NCOR1: variants seen among roughly 807,000 people sequenced by gnomAD.
NCOR1 encodes protein phosphatase 1, regulatory subunit 109.
NCOR1 carries 63 observed loss-of-function variants against 288.1 expected under a neutral mutation model. That is an observed-to-expected ratio of 0.22 (90% confidence interval 0.18 to 0.27). The LOEUF (loss-of-function observed/expected upper bound fraction) is 0.27, where lower values mean the gene tolerates loss of function less well. Ranked by LOEUF, NCOR1 falls within the 10% of genes least tolerant of loss-of-function variation. The pLI, the probability that NCOR1 is intolerant of heterozygous loss-of-function variation, is 1.00. For missense variants in NCOR1, 2,397 were observed against 3,019.2 expected, an observed-to-expected ratio of 0.79 and a Z score of 4.83; for synonymous variants, 1,007 against 1,065.9, an observed-to-expected ratio of 0.94 and a Z score of 1.08.
Position 16,051,758 on chromosome 17 carries a change from AC to A in NCOR1, c.6393-2771del, listed in dbSNP as rs2059339376. The stretch of plus-strand genomic sequence containing the variant: ...GAAACCCCGTCTCTACTAAAAAAAT[AC>A]AAAATTAGCTGGGGTGGTGGCACAT... On this transcript the variant is annotated intron_variant, in intron 40 of 45. Coordinates refer to ENST00000268712, the MANE Select transcript of NCOR1 (RefSeq NM_006311.4). 9.9e-5 allele frequency among the ~76,000 whole-genome samples: 15 copies of A among 152,176 alleles called. No homozygotes were observed. In the South Asian group the frequency reaches 3.1e-3, roughly 32 times the overall value.
intron 5 of NCOR1, among the ~76,000 whole-genome samples, chr17:16,159,413 CAAAA>C (rs35243097): frequency 1.5e-5 from 1 of 66,290 alleles, no homozygotes; most frequent in Admixed American, 1.8e-4. Context: ...AACTCTATCT[CAAAA>C]AAAAAAAAAA....
At chr17:16,197,179 C>T (rs969499283) in intron 1 of NCOR1, among the ~76,000 whole-genome samples, 5 of 151,118 alleles carry the variant, frequency 3.3e-5, no homozygotes, top group Admixed American at 6.6e-5. Context: ...AAATTAGCCA[C>T]GCATGGTGGC....
intron 15 of NCOR1, among the ~76,000 whole-genome samples, chr17:16,123,509 A>G (rs2073424578): frequency 6.6e-6 from 1 of 152,120 alleles, no homozygotes; most frequent in Non-Finnish European, 1.5e-5. Context: ...ATCCATTCTA[A>G]TCCCTTTCTA....
intron 21 of NCOR1, among the ~76,000 whole-genome samples, chr17:16,097,809 A>T (rs553738866): frequency 2.0e-5 from 3 of 152,316 alleles, no homozygotes; most frequent in African/African-American, 7.2e-5. Flanking sequence ...AAGCGTGAGT[A>T]ACCTGGGGAC....
intron 45 of NCOR1, among the ~76,000 whole-genome samples, chr17:16,032,958 A>G (rs1243354656): frequency 6.6e-6 from 1 of 152,216 alleles, no homozygotes; most frequent in Admixed American, 6.5e-5. Flanking sequence ...TAAAGTCTAC[A>G]AGATTGAGAA....
chr17:16,058,520 C>T lies in NCOR1; in HGVS notation c.5961G>A (p.Glu1987=). ...CCTCTGGCTGATAGGTCTGCAGTTT[C>T]TCCTGGGGTGGCGCAGGTGAGCTGG... ...SPASSPAPPQ[E]KLQTYQPEVV... The change falls in exon 38 of 46, where the codon GAG becomes GAA. Residue 1987 remains glutamate (E), a synonymous_variant. Coordinates refer to ENST00000268712, the MANE Select transcript of NCOR1 (RefSeq NM_006311.4). 6.2e-7 allele frequency: 1 copy of T among 1,614,166 alleles called. No individual in the cohort carries two copies. Among genetic ancestry groups the T allele is most frequent in the Non-Finnish European group, 8.5e-7 (1 of 1,180,014 alleles).
chr17:16,061,004 C>T (rs1001553118), intron 37 of NCOR1, among the ~76,000 whole-genome samples: 1 of 152,144 alleles, frequency 6.6e-6, no homozygotes, highest in African/African-American at 2.4e-5. Context: ...AAACCTGTGT[C>T]TTAGAAAAAG....
intron 26 of NCOR1, among the ~76,000 whole-genome samples, chr17:16,077,132 T>C (rs1485652957): frequency 6.6e-6 from 1 of 152,056 alleles, no homozygotes; most frequent in Non-Finnish European, 1.5e-5. Flanking sequence ...TGTGGTGGCT[T>C]GCGCCTGTAA....
chr17:16,121,174 C>T lies in NCOR1; in HGVS notation c.1730G>A (p.Ser577Asn), dbSNP rs1568152376. ...GATCCGGCCCTTACGGCGGCCCTGA[C>T]TGTTGGCAGTCTTTCGCCCCCGGGG... Reference protein sequence around the residue: ...ATPRGRKTANSQGRRKGRITR... With the variant: ...ATPRGRKTANNQGRRKGRITR... The change falls in exon 16 of 46, where the codon AGT becomes AAT. Residue 577 changes from serine (S) to asparagine (N), a missense_variant. By Grantham distance (46) the Ser-to-Asn change is conservative (BLOSUM62 1). Around this residue, in one of 11 missense-constraint regions of NCOR1, gnomAD observed 113 missense variants for 139.5 expected, o/e 0.81. Coordinates refer to ENST00000268712, the MANE Select transcript of NCOR1 (RefSeq NM_006311.4). The T allele has an allele frequency of 1.2e-6, 2 of 1,614,044 alleles. No homozygotes were observed. Among genetic ancestry groups the T allele is most frequent in the African/African-American group, 1.3e-5 (1 of 74,934 alleles).
At chr17:16,049,219 C>T in intron 40 of NCOR1, 1 of 304,100 alleles carries the variant, frequency 3.3e-6, no homozygotes, top group Non-Finnish European at 6.0e-6. Flanking sequence ...CCCCGTGGAT[C>T]CAGGAGTCAC....
chr17:16,087,189 C>A (rs1284786890), intron 22 of NCOR1: 2 of 1,303,862 alleles, frequency 1.5e-6, no homozygotes, highest in South Asian at 1.2e-5. Flanking sequence ...GACACTATAG[C>A]GGGCTGCACT....
intron 23 of NCOR1, among the ~76,000 whole-genome samples, chr17:16,083,307 G>T (rs1169407572): frequency 6.6e-6 from 1 of 151,460 alleles, no homozygotes; most frequent in Non-Finnish European, 1.5e-5. Context: ...CCCAGGAGTT[G>T]GAGGCTACAG....
intron 8 of NCOR1, among the ~76,000 whole-genome samples, chr17:16,150,849 C>A (rs1052273188): frequency 1.3e-5 from 2 of 152,050 alleles, no homozygotes; most frequent in African/African-American, 4.8e-5. Flanking sequence ...TTCTCAAGAT[C>A]ATAGTAGCAT....
intron 5 of NCOR1, among the ~76,000 whole-genome samples, chr17:16,159,482 ATTT>A (rs2080396491): frequency 6.6e-6 from 1 of 151,940 alleles, no homozygotes; most frequent in African/African-American, 2.4e-5. Context: ...GAGAAGTTAA[ATTT>A]AATGAAGGTA....
chr17:16,143,704 T>C lies in NCOR1; in HGVS notation c.1083-8A>G. ...GCTCCCCTCTGCCCAACTCTAAACA[T>C]GAGGGAGAAATTAAAAATATATTTA... On this transcript the variant is annotated splice_region_variant and splice_polypyrimidine_tract_variant and intron_variant, in intron 10 of 45. Coordinates refer to ENST00000268712, the MANE Select transcript of NCOR1 (RefSeq NM_006311.4). The C allele has an allele frequency of 6.3e-7, 1 of 1,598,520 alleles. No individual in the cohort carries two copies. The highest frequency in any genetic ancestry group is 1.7e-4 in the Middle Eastern group (1 of 6,014).
At chr17:16,058,379 A>G (rs1008542825) in intron 38 of NCOR1, 92 bp downstream of exon 38, 43 of 1,466,412 alleles carry the variant, frequency 2.9e-5, no homozygotes, top group Non-Finnish European at 3.8e-5. Flanking sequence ...AAACAAAACA[A>G]GTTAATTCTT....
intron 42 of NCOR1, chr17:16,044,297 A>G (rs2058283146): frequency 2.3e-6 from 1 of 434,246 alleles, no homozygotes; most frequent in Middle Eastern, 3.5e-4. Flanking sequence ...ATTAAGAGCG[A>G]GGACAAGTTC....
At chr17:16,110,913 T>A (rs1238137515) in intron 18 of NCOR1, among the ~76,000 whole-genome samples, 2 of 152,242 alleles carry the variant, frequency 1.3e-5, no homozygotes, top group Non-Finnish European at 2.9e-5. Context: ...CTGGCTACAC[T>A]TTCTAAAAAG....
At chr17:16,043,873 AT>A (rs2152110152) in intron 42 of NCOR1, among the ~76,000 whole-genome samples, 1 of 152,300 alleles carries the variant, frequency 6.6e-6, no homozygotes, top group East Asian at 1.9e-4. Flanking sequence ...TAATAACAAT[AT>A]TTTTTGAAAA....
Sources: allele counts gnomAD v4.1 joint callset (sites outside exome capture counted in the v4.1 genomes callset), GRCh38; gene constraint gnomAD v4.1.1; regional missense constraint gnomAD v4.1.1; transcripts MANE v1.5; gene names NCBI Gene and HGNC (gene_info 2026-07-23, HGNC 2026-07-21).